The following RECK variants were observed in gnomAD, a reference collection of about 807,000 sequenced individuals.
The protein encoded by RECK is reversion-inducing cysteine-rich protein with Kazal motifs.
Under a neutral mutation model 115.1 loss-of-function variants are expected in RECK, and 69 were observed. The observed-to-expected ratio is 0.60, with a 90% CI of 0.49 to 0.73. The LOEUF (loss-of-function observed/expected upper bound fraction) is 0.73, where lower values mean the gene tolerates loss of function less well. Among genes scored for constraint, RECK ranks in the 30% least tolerant of loss-of-function variants. RECK has a pLI of 0.00. For synonymous variants in RECK, 414 were observed against 419.7 expected (o/e 0.99, Z 0.17); for missense variants, 1,047 against 1,203.7 (o/e 0.87, Z 1.93).
intron 7 of RECK, among the ~76,000 whole-genome samples, chr9:36,082,152 T>TTCTCTCTCTCTCTTTCTCTCTC (rs373078886): frequency 1.8e-4 from 21 of 113,712 alleles, no homozygotes; most frequent in African/African-American, 6.4e-4. Flanking sequence ...CCTCCCTGCT[T>TTCTCTCTCTCTCTTTCTCTCTC]TCTCTCTCTC....
intron 6 of RECK, among the ~76,000 whole-genome samples, chr9:36,070,679 A>G (rs894681236): frequency 8.5e-5 from 13 of 152,180 alleles, no homozygotes; most frequent in Admixed American, 5.9e-4. Context: ...TCATCATGTG[A>G]AGGGGATTTT....
chr9:36,095,909 A>T (rs1352305007), intron 10 of RECK, among the ~76,000 whole-genome samples: 1 of 7,432 alleles, frequency 1.3e-4, no homozygotes, highest in Non-Finnish European at 4.8e-4. Flanking sequence ...CGTCTTTACT[A>T]AAAATACAAA....
chr9:36,050,054 A>G lies in RECK; in HGVS notation c.101-2211A>G, dbSNP rs138205442. ...CACCTGTCTCTGAAGGAGGGAATGC[A>G]TTGCTCAGTTCTCAGATCTTGTCCT... On this transcript the variant is annotated intron_variant, in intron 1 of 20. Transcript: ENST00000377966. 7.9e-5 allele frequency among the ~76,000 whole-genome samples: 12 copies of G among 152,250 alleles called. No individual in the cohort carries two copies. In the East Asian group the frequency reaches 1.7e-3, roughly 22 times the overall value.
At chr9:36,047,809 CAA>C (rs148573065) in intron 1 of RECK, among the ~76,000 whole-genome samples, 6,609 of 83,442 alleles carry the variant, frequency 0.079, 320 homozygotes, top group African/African-American at 0.16. Flanking sequence ...AAGCCAGTCT[CAA>C]AAAAAAAAAA....
At chr9:36,110,584 C>G (rs1284158234) in intron 15 of RECK, among the ~76,000 whole-genome samples, 1 of 152,186 alleles carries the variant, frequency 6.6e-6, no homozygotes, top group Non-Finnish European at 1.5e-5. Context: ...AGTGAAAAGG[C>G]TAGTGAGATG....
At chr9:36,054,014 A>G (rs1000250830) in intron 2 of RECK, among the ~76,000 whole-genome samples, 3 of 152,156 alleles carry the variant, frequency 2.0e-5, no homozygotes, top group Admixed American at 2.0e-4. Flanking sequence ...TGTGTTACAT[A>G]TGTTTACTTT....
chr9:36,089,068 C>G (rs545075124), intron 9 of RECK, among the ~76,000 whole-genome samples: 1 of 152,118 alleles, frequency 6.6e-6, no homozygotes, highest in African/African-American at 2.4e-5. Flanking sequence ...GAGCGAGACT[C>G]TGTCTCCAAA....
chr9:36,055,295 T>A (rs1821479516), intron 2 of RECK, among the ~76,000 whole-genome samples: 1 of 152,210 alleles, frequency 6.6e-6, no homozygotes, highest in Non-Finnish European at 1.5e-5. Context: ...TTAAGCTAAA[T>A]GTATTTCTAA....
intron 12 of RECK, among the ~76,000 whole-genome samples, chr9:36,102,663 A>T (rs1403377053): frequency 1.3e-5 from 2 of 152,052 alleles, no homozygotes. Context: ...GTATAAAAAA[A>T]TGATAGTCTA....
intron 3 of RECK, 40 bp from the exon 4 acceptor site, chr9:36,060,079 G>T: frequency 6.3e-7 from 1 of 1,584,924 alleles, no homozygotes; most frequent in Admixed American, 1.7e-5. Flanking sequence ...TTTAGGAACT[G>T]GTTATCTACA....
At chr9:36,117,649 TCA>T (rs1824312006) in intron 17 of RECK, among the ~76,000 whole-genome samples, 1 of 152,214 alleles carries the variant, frequency 6.6e-6, no homozygotes, top group South Asian at 2.1e-4. Context: ...AGCTTATCTC[TCA>T]GTTTTGTAGG....
intron 16 of RECK, 141 bp from the exon 17 acceptor site, chr9:36,116,844 T>C (rs1432856848): frequency 4.9e-6 from 3 of 606,086 alleles, no homozygotes; most frequent in Non-Finnish European, 8.6e-6. Context: ...TCTCCCACTC[T>C]ACATAAGCTC....
In RECK at chr9:36,052,267, G is replaced by T. The variant is rs1292408164; in HGVS notation, c.103G>T (p.Ala35Ser). 2 of 1,599,304 alleles carry T rather than the reference G, an allele frequency of 1.3e-6. No homozygotes were observed. The highest frequency in any genetic ancestry group is 1.3e-5 in the African/African-American group (1 of 74,592). ...TGATGTTTATTTTTTCTCCCTAGGT[G>T]CATTGTGTTGTAATCATTCAAAGGA... The part of the protein sequence containing the change: ...AGGLAPGSAG[A>S]LCCNHSKDNQ... The change falls in exon 2 of 21, where the codon GCA becomes TCA. Residue 35 changes from alanine (A) to serine (S), a missense_variant and splice_region_variant. Physicochemically the swap from Ala to Ser is moderately conservative, Grantham distance 99. Coordinates refer to ENST00000377966, the MANE Select transcript of RECK (RefSeq NM_021111.3).
Position 36,042,550 on chromosome 9 carries a change from T to A in RECK, c.100+5452T>A, listed in dbSNP as rs546103430. ...ATTGCTAATTGTGCTGCTACACACA[T>A]CTACCACATTTTCTTTATCCACTTG... On this transcript the variant is annotated intron_variant, in intron 1 of 20. Coordinates refer to ENST00000377966, the MANE Select transcript of RECK (RefSeq NM_021111.3). 4.6e-5 allele frequency among the ~76,000 whole-genome samples: 7 copies of A among 152,270 alleles called. No individual in the cohort carries two copies. The South Asian group carries it at 6.2e-4, about 14-fold the overall frequency.
At chr9:36,054,461 A>G (rs2132568212) in intron 2 of RECK, among the ~76,000 whole-genome samples, 1 of 151,248 alleles carries the variant, frequency 6.6e-6, no homozygotes, top group African/African-American at 2.4e-5. Context: ...GCCAAAGAAA[A>G]GTCAAGGAGT....
chr9:36,048,126 AAT>A (rs56726335), intron 1 of RECK, among the ~76,000 whole-genome samples: 3,908 of 115,216 alleles, frequency 0.034, 121 homozygotes, highest in Admixed American at 0.055. Flanking sequence ...ACACAGGTTG[AAT>A]ATATATATAT....
chr9:36,072,575 T>A (rs1281937868), intron 6 of RECK: 1 of 152,206 alleles, frequency 6.6e-6, no homozygotes, highest in Non-Finnish European at 1.5e-5. Context: ...CATCTTTTAG[T>A]TTATGCTGAG....
intron 17 of RECK, among the ~76,000 whole-genome samples, chr9:36,117,565 C>T (rs1025038063): frequency 2.0e-5 from 3 of 152,202 alleles, no homozygotes; most frequent in African/African-American, 7.2e-5. Flanking sequence ...CCCACTCTTC[C>T]CACATCAGTC....
chr9:36,064,695 G>A (rs1821918062), intron 5 of RECK, among the ~76,000 whole-genome samples: 1 of 152,200 alleles, frequency 6.6e-6, no homozygotes, highest in Non-Finnish European at 1.5e-5. Flanking sequence ...TCCAGGCATT[G>A]AGGTGAAGCT....
Sources: gnomAD v4.1 joint callset for allele counts (sites outside exome capture counted in the v4.1 genomes callset) on GRCh38, gnomAD v4.1.1 for gene constraint, MANE v1.5 for transcripts, NCBI Gene and HGNC (gene_info 2026-07-23, HGNC 2026-07-21) for gene names.